The following CPPED1 variants were observed in gnomAD, a reference collection of about 807,000 sequenced individuals.
The protein encoded by CPPED1 is calcineurin like phosphoesterase domain containing 1.
Under a neutral mutation model 28.0 loss-of-function variants are expected in CPPED1, and 28 were observed. The observed-to-expected ratio is 1.00, with a 90% CI of 0.74 to 1.37. CPPED1 has a LOEUF of 1.37. CPPED1 is among the 40% of genes most tolerant of loss of function. The pLI is 0.00. For synonymous variants in CPPED1, 198 were observed against 180.2 expected (o/e 1.10, Z -0.79); for missense variants, 504 against 416.5 (o/e 1.21, Z -1.83).
chr16:12,777,995 C>T (rs1007987141), intron 2 of CPPED1, among the ~76,000 whole-genome samples: 1 of 150,866 alleles, frequency 6.6e-6, no homozygotes, highest in African/African-American at 2.4e-5. Flanking sequence ...CTGGATTCTC[C>T]ACCGCCTGGG....
chr16:12,749,961 A>G (rs1037884866), intron 2 of CPPED1, among the ~76,000 whole-genome samples: 1 of 152,186 alleles, frequency 6.6e-6, no homozygotes, highest in Non-Finnish European at 1.5e-5. Flanking sequence ...TACTTTGCCC[A>G]GATCCATCCA....
intron 3 of CPPED1, among the ~76,000 whole-genome samples, chr16:12,692,323 C>G (rs1228759847): frequency 6.6e-6 from 1 of 152,210 alleles, no homozygotes; most frequent in African/African-American, 2.4e-5. Flanking sequence ...TTGGTTCCCA[C>G]TCTGGCAACA....
intron 1 of CPPED1, among the ~76,000 whole-genome samples, chr16:12,797,554 C>T (rs999326570): frequency 6.6e-6 from 1 of 151,696 alleles, no homozygotes; most frequent in Non-Finnish European, 1.5e-5. Context: ...GACCCTGTCT[C>T]CAAAAAAAAT....
chr16:12,782,701 A>T (rs1376049265), intron 1 of CPPED1, among the ~76,000 whole-genome samples: 2 of 151,748 alleles, frequency 1.3e-5, no homozygotes, highest in African/African-American at 2.4e-5. Context: ...CTCTATCAAA[A>T]ATATAAAAAT....
chr16:12,787,021 C>T (rs145554512), intron 1 of CPPED1, among the ~76,000 whole-genome samples: 2,028 of 152,278 alleles, frequency 0.013, 17 homozygotes, highest in Non-Finnish European at 0.02. Context: ...ATATAGCACA[C>T]ATGTATGTGT....
intron 2 of CPPED1, among the ~76,000 whole-genome samples, chr16:12,719,071 C>A (rs1018618981): frequency 9.2e-5 from 14 of 152,060 alleles, no homozygotes; most frequent in African/African-American, 3.4e-4. Flanking sequence ...GAATGAGAAC[C>A]AAGAGAAAAG....
Position 12,662,748 on chromosome 16 carries a change from A to G in CPPED1, c.*2138T>C, listed in dbSNP as rs2079802577. 2 of 152,214 alleles carry G rather than the reference A, an allele frequency of 1.3e-5. No homozygotes were observed. Among genetic ancestry groups the G allele is most frequent in the Admixed American group, 6.5e-5 (1 of 15,284 alleles). The allele number at this position is 152,214 out of a possible 1,614,324, so 9.4% of individuals were successfully genotyped here. On this transcript the variant is annotated 3_prime_UTR_variant, in exon 4 of 4. Coordinates refer to ENST00000381774, the MANE Select transcript of CPPED1 (RefSeq NM_018340.3). ...GTGGCTGAATAGTATTCCATTATGT[A>G]TACATACCACATGTTCTTTATCCAA...
intron 2 of CPPED1, among the ~76,000 whole-genome samples, chr16:12,762,541 A>G (rs2080415721): frequency 6.6e-6 from 1 of 152,218 alleles, no homozygotes; most frequent in East Asian, 1.9e-4. Context: ...TACAACATGG[A>G]TAAACCCTGA....
At chr16:12,726,784 G>A (rs1408533148) in intron 2 of CPPED1, among the ~76,000 whole-genome samples, 1 of 151,972 alleles carries the variant, frequency 6.6e-6, no homozygotes, top group Non-Finnish European at 1.5e-5. Flanking sequence ...ACTCCAGCCT[G>A]GGTGACAGAG....
At chr16:12,719,698 G>C (rs1282231923) in intron 2 of CPPED1, among the ~76,000 whole-genome samples, 1 of 152,122 alleles carries the variant, frequency 6.6e-6, no homozygotes, top group East Asian at 1.9e-4. Context: ...ACTTTGGAAG[G>C]CCAAGGCATG....
Position 12,702,060 on chromosome 16 carries a change from T to C in CPPED1, c.715+2564A>G, listed in dbSNP as rs754710763. ...GCGGTCTTGCTCTAAATTAATCAAC[T>C]GCCATTCTGGTTTGTAGCTATCAGT... On this transcript the variant is annotated intron_variant, in intron 3 of 3. Coordinates refer to ENST00000381774, the MANE Select transcript of CPPED1 (RefSeq NM_018340.3). Among the ~76,000 whole-genome samples the C allele has an allele frequency of 8.1e-4, 124 of 152,304 alleles. 1 individual carries two copies. Among genetic ancestry groups the C allele is most frequent in the Middle Eastern group, 3.4e-3 (1 of 294 alleles).
rs556569131 is a variant in CPPED1 at position 12,729,071 on chromosome 16, G to T, written c.290-24022C>A. Among the ~76,000 whole-genome samples the T allele has an allele frequency of 5.9e-5, 9 of 152,230 alleles. No homozygotes were observed. The South Asian group carries it at 1.9e-3, about 32-fold the overall frequency. On this transcript the variant is annotated intron_variant, in intron 2 of 3. Coordinates refer to ENST00000381774, the MANE Select transcript of CPPED1 (RefSeq NM_018340.3). The stretch of plus-strand genomic sequence containing the variant: ...GAGTCCTCCTTGCAATTTCTGATCT[G>T]CCTGTCACCATCTCTGTGCTGGAGG...
At chr16:12,769,722 C>A (rs1417352663) in intron 2 of CPPED1, among the ~76,000 whole-genome samples, 2 of 152,128 alleles carry the variant, frequency 1.3e-5, no homozygotes, top group East Asian at 3.9e-4. Context: ...GGTTACTGCT[C>A]AGCATTCGAC....
chr16:12,692,727 C>G (rs1053454840), intron 3 of CPPED1, among the ~76,000 whole-genome samples: 3 of 152,204 alleles, frequency 2.0e-5, no homozygotes, highest in South Asian at 2.1e-4. Context: ...TCTCAAGAAG[C>G]CTGTTCATCT....
intron 2 of CPPED1, among the ~76,000 whole-genome samples, chr16:12,756,319 T>C (rs1289291291): frequency 6.6e-6 from 1 of 152,116 alleles, no homozygotes; most frequent in Non-Finnish European, 1.5e-5. Flanking sequence ...CTGCAAATTA[T>C]GGGAGTGATC....
chr16:12,803,827 C>A lies in CPPED1; in HGVS notation c.-51G>T. On this transcript the variant is annotated 5_prime_UTR_variant, in exon 1 of 4. Transcript: ENST00000381774. The stretch of plus-strand genomic sequence containing the variant: ...TAGAACACTGCGTGGGTGGAAGCCG[C>A]GCGACTTCACACAGAACAACCGCTG... The A allele has an allele frequency of 6.5e-7, 1 of 1,528,094 alleles. No individual in the cohort carries two copies. Among genetic ancestry groups the A allele is most frequent in the Non-Finnish European group, 8.9e-7 (1 of 1,126,822 alleles). The allele number at this position is 1,528,094 out of a possible 1,614,324, so 94.7% of individuals were successfully genotyped here.
chr16:12,769,266 T>C (rs981922283), intron 2 of CPPED1, among the ~76,000 whole-genome samples: 1 of 152,214 alleles, frequency 6.6e-6, no homozygotes, highest in African/African-American at 2.4e-5. Context: ...TATCCAATAA[T>C]TTAAAAAATA....
intron 3 of CPPED1, among the ~76,000 whole-genome samples, chr16:12,692,226 G>T (rs895171004): frequency 1.1e-4 from 16 of 152,100 alleles, no homozygotes; most frequent in African/African-American, 3.6e-4. Context: ...ATACCCACTG[G>T]TGGCACTTCA....
At chr16:12,763,813 G>A (rs927357049) in intron 2 of CPPED1, among the ~76,000 whole-genome samples, 11 of 152,044 alleles carry the variant, frequency 7.2e-5, no homozygotes, top group Non-Finnish European at 1.5e-4. Flanking sequence ...GCAGGACTTC[G>A]GACACAGTCT....
Sources: gnomAD v4.1 joint callset for allele counts (sites outside exome capture counted in the v4.1 genomes callset) on GRCh38, gnomAD v4.1.1 for gene constraint, MANE v1.5 for transcripts, NCBI Gene and HGNC (gene_info 2026-07-23, HGNC 2026-07-21) for gene names.